Variants in GCHFR observed in about 807,000 individuals in gnomAD.
The protein encoded by GCHFR is GTP cyclohydrolase I feedback regulator.
Under a neutral mutation model 10.6 loss-of-function variants are expected in GCHFR, and 12 were observed. That is an observed-to-expected ratio of 1.13 (90% CI 0.72 to 1.83). GCHFR has a LOEUF of 1.83. Among genes scored for constraint, GCHFR ranks in the 40% most tolerant of loss-of-function variants. The probability of loss-of-function intolerance (pLI) is 0.00; values close to 1 mark genes in which losing one functional copy is unlikely to be tolerated. For synonymous variants in GCHFR, 54 were observed against 43.7 expected (o/e 1.24, Z -0.93); for missense variants, 116 against 110.6 (o/e 1.05, Z -0.22).
chr15:40,765,831 T>TAA lies in GCHFR; in HGVS notation c.41_42insAA (p.Gly15ArgfsTer15). ...CCACTGTGGCTTACCTTGCAGGAGG[T>TAA]GGGCCCCACTATGGTGGGCGATGAA... is the stretch of plus-strand genomic sequence containing the variant. On this transcript the variant is annotated frameshift_variant, in exon 2 of 3. Transcript: ENST00000260447. LOFTEE classifies it high-confidence loss of function. The TAA allele has an allele frequency of 6.5e-7, 1 of 1,546,352 alleles. No individual in the cohort carries two copies. The highest frequency in any genetic ancestry group is 8.8e-7 in the Non-Finnish European group (1 of 1,133,992).
At chr15:40,765,972 C>G (rs1566816624) in intron 2 of GCHFR, 51 bp downstream of exon 2, 2 of 904,660 alleles carry the variant, frequency 2.2e-6, no homozygotes, top group Non-Finnish European at 3.4e-6. Context: ...CCTAGACCTG[C>G]CTCTGCTCCC....
In GCHFR at chr15:40,765,861, C is replaced by A; in HGVS notation, c.71C>A (p.Ser24Ter). 1 of 1,584,436 alleles carries A rather than the reference C, an allele frequency of 6.3e-7. No individual in the cohort carries two copies. Among genetic ancestry groups the A allele is most frequent in the Non-Finnish European group, 8.6e-7 (1 of 1,160,640 alleles). Residue 24 changes from serine (S) to a stop codon, truncating the protein, a stop_gained, in exon 2 of 3, where the codon TCG becomes TAG. Coordinates refer to ENST00000260447, the MANE Select transcript of GCHFR (RefSeq NM_005258.3). LOFTEE classifies it high-confidence loss of function. ...CCCACTATGGTGGGCGATGAACAGT[C>A]GGATCCAGAGCTGATGCAGCATCTG... Reference protein sequence around the residue: ...VGPTMVGDEQSDPELMQHLGA... With the variant: ...VGPTMVGDEQ
In GCHFR at chr15:40,767,655, T is replaced by G. The variant is rs1313606842; in HGVS notation, c.*306T>G. On this transcript the variant is annotated 3_prime_UTR_variant, in exon 3 of 3. Coordinates refer to ENST00000260447, the MANE Select transcript of GCHFR (RefSeq NM_005258.3). Reference sequence around the variant, plus strand: ...CCGGAGCTGGGCACTCCAGCGGCCCTGGCGCGTGGCTCCTGCATAGCTAGC... The same window carrying G: ...CCGGAGCTGGGCACTCCAGCGGCCCGGGCGCGTGGCTCCTGCATAGCTAGC... 1 of 585,294 alleles carries G rather than the reference T, an allele frequency of 1.7e-6. No individual in the cohort carries two copies. Among genetic ancestry groups the G allele is most frequent in the African/African-American group, 1.9e-5 (1 of 51,730 alleles). 36.3% of individuals were successfully genotyped at this position (585,294 alleles called of 1,614,324 possible).
intron 2 of GCHFR, 35 bp from the exon 3 acceptor site, chr15:40,767,191 C>A (rs1888967600): frequency 1.4e-6 from 2 of 1,456,940 alleles, no homozygotes; most frequent in African/African-American, 1.5e-5. Context: ...TTGCTGTGTG[C>A]CCCTCCTCAC....
At position 40,764,072 on chromosome 15, in the gene GCHFR, C is replaced by T; in HGVS notation, c.-109C>T. ...GGATTGACGCCGCCTGTGGCCAGAG[C>T]CGGAGTAACGGGACTCCCAGCTGCG... On this transcript the variant is annotated 5_prime_UTR_variant, in exon 1 of 3. Transcript: ENST00000260447. The T allele has an allele frequency of 9.1e-7, 1 of 1,102,294 alleles. No individual in the cohort carries two copies. The highest frequency in any genetic ancestry group is 2.5e-5 in the Admixed American group (1 of 40,756). The allele number at this position is 1,102,294 out of a possible 1,614,324, so 68.3% of individuals were successfully genotyped here.
In GCHFR at chr15:40,765,850, C is replaced by T. The variant is rs376405201; in HGVS notation, c.60C>T (p.Gly20=). ...IRMEVGPTMV[G]DEQSDPELMQ... The stretch of plus-strand genomic sequence containing the variant: ...AGGAGGTGGGCCCCACTATGGTGGG[C>T]GATGAACAGTCGGATCCAGAGCTGA... Residue 20 remains glycine, a synonymous_variant, in exon 2 of 3, where the codon GGC becomes GGT. Coordinates refer to ENST00000260447, the MANE Select transcript of GCHFR (RefSeq NM_005258.3). 3.2e-6 allele frequency: 5 copies of T among 1,580,150 alleles called. No individual in the cohort carries two copies. The highest frequency in any genetic ancestry group is 4.3e-6 in the Non-Finnish European group (5 of 1,157,686).
At chr15:40,766,134 A>C in intron 2 of GCHFR, 2 of 392,186 alleles carry the variant, frequency 5.1e-6, no homozygotes, top group Non-Finnish European at 9.2e-6. Context: ...AGCTTTCCAC[A>C]TCCTTACTGG....
At chr15:40,766,197 T>G in intron 2 of GCHFR, 2 of 262,404 alleles carry the variant, frequency 7.6e-6, no homozygotes, top group African/African-American at 2.2e-5. Context: ...TAGCAGACTG[T>G]TCCTTGCCCT....
At chr15:40,765,582 C>T (rs1485133872) in intron 1 of GCHFR, 4 of 324,858 alleles carry the variant, frequency 1.2e-5, no homozygotes, top group African/African-American at 4.3e-5. Flanking sequence ...ACTATAGGCT[C>T]GTGATACTTT....
In GCHFR at chr15:40,767,598, G is replaced by A. The variant is rs961086517; in HGVS notation, c.*249G>A. ...TTCGGGCCTGGGCCGAGGGCCTTGTGTAGGCCATGTTCCTCGGGCAGCTGC... is the reference window on the plus strand; with the variant it reads ...TTCGGGCCTGGGCCGAGGGCCTTGTATAGGCCATGTTCCTCGGGCAGCTGC... On this transcript the variant is annotated 3_prime_UTR_variant, in exon 3 of 3. Coordinates refer to ENST00000260447, the MANE Select transcript of GCHFR (RefSeq NM_005258.3). 7 of 591,092 alleles carry A rather than the reference G, an allele frequency of 1.2e-5. No individual in the cohort carries two copies. The Admixed American group carries it at 1.8e-4, about 15-fold the overall frequency. 36.6% of individuals were successfully genotyped at this position (591,092 alleles called of 1,614,324 possible).
In GCHFR at chr15:40,767,206, C is replaced by T. The variant is rs755145154; in HGVS notation, c.132-20C>T. ...TTGCTGTGTGCCCCTCCTCACCCCC[C>T]CCATCCTGTCTCTTTGCAGTTATGA... On this transcript the variant is annotated intron_variant, in intron 2 of 2. Coordinates refer to ENST00000260447, the MANE Select transcript of GCHFR (RefSeq NM_005258.3). 2.5e-5 allele frequency: 37 copies of T among 1,486,708 alleles called. No homozygotes were observed. The highest frequency in any genetic ancestry group is 3.0e-5 in the Non-Finnish European group (34 of 1,115,994). The allele number at this position is 1,486,708 out of a possible 1,614,324, so 92.1% of individuals were successfully genotyped here. A position where few individuals can be genotyped will look rare whatever the true frequency, so the allele number is the denominator to read the frequency against.
chr15:40,764,479 GC>G (rs920429111), intron 1 of GCHFR: 3 of 463,574 alleles, frequency 6.5e-6, no homozygotes, highest in African/African-American at 6.2e-5. Flanking sequence ...CGACCTCCGG[GC>G]GCTTCCGGCT....
chr15:40,764,684 T>A (rs973738664), intron 1 of GCHFR: 3 of 158,040 alleles, frequency 1.9e-5, no homozygotes, highest in Non-Finnish European at 2.8e-5. Context: ...AGCAACTAGC[T>A]GCACCCTTAG....
chr15:40,765,949 C>T, intron 2 of GCHFR, 28 bp downstream of exon 2: 1 of 1,249,566 alleles, frequency 8.0e-7, no homozygotes, highest in Admixed American at 1.9e-5. Context: ...TCAGTATCCT[C>T]TCCCTGCCAG....
Position 40,767,381 on chromosome 15 carries a change from C to T in GCHFR, c.*32C>T, listed in dbSNP as rs1346368911. On this transcript the variant is annotated 3_prime_UTR_variant, in exon 3 of 3. Coordinates refer to ENST00000260447, the MANE Select transcript of GCHFR (RefSeq NM_005258.3). ...CATGCTGATTTGCAGACGGGGCACC[C>T]CTGTGGAGGGGCTGCTGTGGGCCCT... The T allele has an allele frequency of 1.9e-6, 3 of 1,574,624 alleles. No homozygotes were observed. The Admixed American group carries it at 5.6e-5, about 29-fold the overall frequency.
At chr15:40,765,654 T>G (rs1278314869) in intron 1 of GCHFR, 173 bp from the exon 2 acceptor site, 1 of 400,564 alleles carries the variant, frequency 2.5e-6, no homozygotes, top group Non-Finnish European at 4.4e-6. Context: ...CTCCTGATCA[T>G]TGATGGGCTC....
rs769713679 is a variant in GCHFR, at chr15:40,767,236, T to G, written c.142T>G (p.Tyr48Asp). 1.9e-6 allele frequency: 3 copies of G among 1,562,456 alleles called. No individual in the cohort carries two copies. The South Asian group carries it at 3.5e-5, about 18-fold the overall frequency. Residue 48 changes from tyrosine to aspartate, a missense_variant, in exon 3 of 3, where the codon TAC (tyrosine) becomes GAC (aspartate). Transcript: ENST00000260447. ...CCTGTCTCTTTGCAGTTATGAATACTACGTCGATGACCCTCCCCGCATAGT... is the reference window on the plus strand; with the variant it reads ...CCTGTCTCTTTGCAGTTATGAATACGACGTCGATGACCCTCCCCGCATAGT... ...RALGNNFYEY[Y>D]VDDPPRIVLD...
intron 2 of GCHFR, 112 bp downstream of exon 2, chr15:40,766,033 C>T: frequency 2.0e-6 from 1 of 499,304 alleles, no homozygotes; most frequent in Admixed American, 3.7e-5. Flanking sequence ...GAGCCCCCTG[C>T]CTGCATCCTG....
Position 40,764,070 on chromosome 15 carries a change from AG to A in GCHFR, c.-110del. The A allele has an allele frequency of 9.2e-7, 1 of 1,088,038 alleles. No homozygotes were observed. The highest frequency in any genetic ancestry group is 1.3e-6 in the Non-Finnish European group (1 of 771,422). The allele number at this position is 1,088,038 out of a possible 1,614,324, so 67.4% of individuals were successfully genotyped here. A position where few individuals can be genotyped will look rare whatever the true frequency, so the allele number is the denominator to read the frequency against. On this transcript the variant is annotated 5_prime_UTR_variant, in exon 1 of 3. Coordinates refer to ENST00000260447, the MANE Select transcript of GCHFR (RefSeq NM_005258.3). ...CGGGATTGACGCCGCCTGTGGCCAG[AG>A]CCGGAGTAACGGGACTCCCAGCTGC...
Sources: gnomAD v4.1 joint callset for allele counts on GRCh38, gnomAD v4.1.1 for gene constraint, MANE v1.5 for transcripts, NCBI Gene and HGNC (gene_info 2026-07-23, HGNC 2026-07-21) for gene names.